The following TRPM3 variants were observed in gnomAD, a reference collection of about 807,000 sequenced individuals.
The protein encoded by TRPM3 is transient receptor potential cation channel subfamily M member 3.
TRPM3 carries 77 observed loss-of-function variants against 181.2 expected under a neutral mutation model. The ratio of observed to expected loss-of-function variants is 0.42; its 90% CI spans 0.35 to 0.51. TRPM3 has a LOEUF of 0.51. Among genes scored for constraint, TRPM3 ranks in the 20% least tolerant of loss-of-function variants. The pLI is 0.01. For missense variants in TRPM3, 1,759 were observed against 2,196.7 expected, an observed-to-expected ratio of 0.80 and a Z score of 3.98; for synonymous variants, 745 against 796.4, an observed-to-expected ratio of 0.94 and a Z score of 1.09.
chr9:70,674,166 T>C (rs78322027), intron 9 of TRPM3, among the ~76,000 whole-genome samples: 3,614 of 152,230 alleles, frequency 0.024, 143 homozygotes, highest in African/African-American at 0.08. Context: ...AGAAATATTT[T>C]TTATTATCAA....
chr9:71,395,884 G>A (rs1490878591), intron 1 of TRPM3, among the ~76,000 whole-genome samples: 3 of 152,168 alleles, frequency 2.0e-5, no homozygotes, highest in Non-Finnish European at 4.4e-5. Flanking sequence ...CAATCTGAAA[G>A]CAGGAGGACA....
At chr9:71,136,767 A>G (rs1220919778) in intron 1 of TRPM3, among the ~76,000 whole-genome samples, 1 of 152,190 alleles carries the variant, frequency 6.6e-6, no homozygotes, top group Non-Finnish European at 1.5e-5. Context: ...GTTCAGCCAC[A>G]GAAGTAAGAG....
chr9:71,252,073 A>C (rs1426458963), intron 1 of TRPM3, among the ~76,000 whole-genome samples: 1 of 151,972 alleles, frequency 6.6e-6, no homozygotes, highest in East Asian at 1.9e-4. Context: ...CCATTTCCTT[A>C]TTCATTCATG....
At chr9:71,173,456 G>T (rs946659756) in intron 1 of TRPM3, among the ~76,000 whole-genome samples, 2 of 152,212 alleles carry the variant, frequency 1.3e-5, no homozygotes, top group African/African-American at 2.4e-5. Flanking sequence ...TATGTGGAAA[G>T]GCAGTATATT....
intron 1 of TRPM3, among the ~76,000 whole-genome samples, chr9:71,246,648 A>G (rs1409868601): frequency 1.3e-5 from 2 of 152,264 alleles, no homozygotes; most frequent in Non-Finnish European, 2.9e-5. Flanking sequence ...ATTAACTGGC[A>G]TTCGCATACA....
At chr9:71,350,494 A>C (rs913923850) in intron 1 of TRPM3, among the ~76,000 whole-genome samples, 3 of 152,188 alleles carry the variant, frequency 2.0e-5, no homozygotes, top group Non-Finnish European at 2.9e-5. Context: ...TTGATTGTGA[A>C]ATTATACTTC....
At chr9:70,804,914 G>A (rs2090291531) in intron 6 of TRPM3, among the ~76,000 whole-genome samples, 1 of 152,184 alleles carries the variant, frequency 6.6e-6, no homozygotes, top group African/African-American at 2.4e-5. Context: ...TTGTCTGACA[G>A]GGACTGCTGT....
intron 5 of TRPM3, among the ~76,000 whole-genome samples, chr9:70,838,458 A>G (rs2094451673): frequency 6.6e-6 from 1 of 152,144 alleles, no homozygotes; most frequent in Non-Finnish European, 1.5e-5. Context: ...AGCCTCCTGA[A>G]TTGTGGAAAA....
intron 1 of TRPM3, among the ~76,000 whole-genome samples, chr9:70,954,111 C>T (rs779496286): frequency 8.5e-5 from 13 of 152,126 alleles, no homozygotes; most frequent in Non-Finnish European, 1.5e-4. Flanking sequence ...AAAGATCAGA[C>T]AAAAGCAGAA....
intron 1 of TRPM3, among the ~76,000 whole-genome samples, chr9:71,099,688 T>C (rs2067975032): frequency 6.6e-6 from 1 of 152,200 alleles, no homozygotes; most frequent in African/African-American, 2.4e-5. Context: ...AAATACAACT[T>C]ATGCTCAACC....
chr9:70,798,205 C>T (rs2087784248), intron 6 of TRPM3, among the ~76,000 whole-genome samples: 1 of 152,138 alleles, frequency 6.6e-6, no homozygotes, highest in South Asian at 2.1e-4. Context: ...CAGGCAGGCA[C>T]CACCACACCC....
chr9:71,380,189 T>A (rs1289199974), intron 1 of TRPM3, among the ~76,000 whole-genome samples: 2 of 152,044 alleles, frequency 1.3e-5, no homozygotes, highest in African/African-American at 4.8e-5. Flanking sequence ...TTGCGGGGAA[T>A]TCTTCCTTCT....
intron 1 of TRPM3, among the ~76,000 whole-genome samples, chr9:71,353,918 G>A (rs747787516): frequency 2.0e-4 from 30 of 152,180 alleles, no homozygotes; most frequent in Non-Finnish European, 4.0e-4. Flanking sequence ...TGAGGGATTT[G>A]CCTAAGCCAC....
At chr9:71,433,098 A>G (rs2093982304) in intron 1 of TRPM3, among the ~76,000 whole-genome samples, 1 of 152,206 alleles carries the variant, frequency 6.6e-6, no homozygotes, top group Admixed American at 6.5e-5. Context: ...TATGAATATA[A>G]TCTTCAGCTT....
intron 1 of TRPM3, among the ~76,000 whole-genome samples, chr9:70,882,338 C>T (rs965627496): frequency 1.3e-5 from 2 of 152,112 alleles, no homozygotes; most frequent in South Asian, 2.1e-4. Context: ...GCTACACTGG[C>T]ATGAGCTTAC....
chr9:70,610,484 T>A, intron 19 of TRPM3, 125 bp downstream of exon 19: 1 of 1,208,476 alleles, frequency 8.3e-7, no homozygotes, highest in Non-Finnish European at 1.2e-6. Flanking sequence ...AAAAGCAAGG[T>A]CACAGAACTT....
intron 22 of TRPM3, among the ~76,000 whole-genome samples, chr9:70,555,605 CCTTT>C (rs1472072449): frequency 2.6e-5 from 4 of 152,184 alleles, no homozygotes; most frequent in Non-Finnish European, 5.9e-5. Flanking sequence ...GTCATTAGCT[CCTTT>C]CTTAGGTTCT....
At chr9:71,010,063 A>G (rs1426570269) in intron 1 of TRPM3, among the ~76,000 whole-genome samples, 1 of 152,164 alleles carries the variant, frequency 6.6e-6, no homozygotes, top group African/African-American at 2.4e-5. Flanking sequence ...TATTTCTCAT[A>G]ATATGCAAAA....
intron 1 of TRPM3, among the ~76,000 whole-genome samples, chr9:71,004,528 G>T (rs548834096): frequency 6.6e-6 from 1 of 152,286 alleles, no homozygotes; most frequent in East Asian, 1.9e-4. Flanking sequence ...AAATGGGGGA[G>T]GTCTCCTCCT....
Sources: gnomAD v4.1 joint callset for allele counts (sites outside exome capture counted in the v4.1 genomes callset) on GRCh38, gnomAD v4.1.1 for gene constraint, MANE v1.5 for transcripts, NCBI Gene and HGNC (gene_info 2026-07-23, HGNC 2026-07-21) for gene names.